The following RAPGEF6 variants were observed in gnomAD, a reference collection of about 807,000 sequenced individuals.
RAPGEF6 encodes Rap guanine nucleotide exchange factor 6.
Under a neutral mutation model 171.4 loss-of-function variants are expected in RAPGEF6, and 56 were observed. That is an observed-to-expected ratio of 0.33 (90% CI 0.26 to 0.41). The LOEUF (loss-of-function observed/expected upper bound fraction) is 0.41. Ranked by LOEUF, RAPGEF6 falls within the 10% of genes least tolerant of loss-of-function variation. The pLI is 1.00. For missense variants in RAPGEF6, 1,674 were observed against 1,921.4 expected (o/e 0.87, Z 2.41); for synonymous variants, 692 against 650.1 (o/e 1.06, Z -0.98).
intron 1 of RAPGEF6, among the ~76,000 whole-genome samples, chr5:131,619,340 T>C (rs929216005): frequency 1.1e-4 from 17 of 151,970 alleles, no homozygotes; most frequent in Non-Finnish European, 1.9e-4. Flanking sequence ...CGGGGGGGCA[T>C]AGCATTAGGA....
intron 4 of RAPGEF6, among the ~76,000 whole-genome samples, chr5:131,586,889 C>G (rs1382253912): frequency 6.6e-6 from 1 of 152,144 alleles, no homozygotes; most frequent in Non-Finnish European, 1.5e-5. Flanking sequence ...CCTGTTGAGA[C>G]AGTCAAGTGT....
chr5:131,577,493 C>T (rs187234044), intron 4 of RAPGEF6, among the ~76,000 whole-genome samples: 34 of 152,270 alleles, frequency 2.2e-4, no homozygotes, highest in African/African-American at 7.2e-4. Flanking sequence ...GCCCTCTAGG[C>T]GACTATCTTC....
chr5:131,468,402 T>C (rs1052577440), intron 17 of RAPGEF6, among the ~76,000 whole-genome samples: 1 of 149,680 alleles, frequency 6.7e-6, no homozygotes, highest in Non-Finnish European at 1.5e-5. Context: ...TCTTATGTAA[T>C]AGGTAAATAA....
In RAPGEF6 at chr5:131,429,114, G is replaced by A; in HGVS notation, c.4568C>T (p.Pro1523Leu). The change falls in exon 27 of 28, where the codon CCC becomes CTC. Residue 1523 changes from proline to leucine, a missense_variant. This residue lies in a region of RAPGEF6 where 552 missense variants were observed against 574.2 expected (regional missense o/e 0.96). Transcript: ENST00000509018. ...ATCTGGAGGTTTTAGGTGTGTGTGG[G>A]GTCCTTCCTTTAGGTCCGCTAAAGA... ...GISLADLKEG[P>L]HTHLKPPDYS... The A allele has an allele frequency of 5.0e-6, 8 of 1,614,114 alleles. No homozygotes were observed. The highest frequency in any genetic ancestry group is 2.2e-5 in the South Asian group (2 of 91,082).
rs536699749 is a variant in RAPGEF6 at position 131,462,034 on chromosome 5, A to G, written c.2535T>C (p.Ala845=). 7.6e-5 allele frequency: 122 copies of G among 1,612,654 alleles called. No homozygotes were observed. The highest frequency in any genetic ancestry group is 9.9e-5 in the Non-Finnish European group (117 of 1,179,400). ...GCTGGCTTTCCTTAACTAGTTCTTG[A>G]GCATCTTCATCTGAACATAAGGTTT... ...ETETLCSDED[A]QELVKESQLS... is the part of the protein sequence containing the mutation. The change falls in exon 19 of 28, where the codon GCT becomes GCC. Residue 845 remains alanine (A), a synonymous_variant. Transcript: ENST00000509018.
At chr5:131,617,145 C>G (rs538574824) in intron 1 of RAPGEF6, among the ~76,000 whole-genome samples, 2 of 152,280 alleles carry the variant, frequency 1.3e-5, no homozygotes, top group East Asian at 3.9e-4. Context: ...GGAAGGCAGT[C>G]TAACAATGTG....
intron 3 of RAPGEF6, among the ~76,000 whole-genome samples, chr5:131,596,633 A>G (rs1189701676): frequency 1.3e-5 from 2 of 152,202 alleles, no homozygotes; most frequent in Non-Finnish European, 2.9e-5. Context: ...AGAATTAAAC[A>G]GACAACTGAT....
Position 131,425,477 on chromosome 5 carries a change from A to G in RAPGEF6, c.*1789T>C, listed in dbSNP as rs931755160. 1.2e-4 allele frequency: 19 copies of G among 152,480 alleles called. No individual in the cohort carries two copies. Among genetic ancestry groups the G allele is most frequent in the African/African-American group, 4.6e-4 (19 of 41,582 alleles). The allele number at this position is 152,480 out of a possible 1,614,324, so 9.4% of individuals were successfully genotyped here. On this transcript the variant is annotated 3_prime_UTR_variant, in exon 28 of 28. Transcript: ENST00000509018. ...ATCACTGAAGTGTAACTTTCAAACT[A>G]GGATTTTTGGTTCAGGTTATTTCCC...
At chr5:131,468,077 C>T (rs1754486172) in intron 17 of RAPGEF6, among the ~76,000 whole-genome samples, 1 of 150,718 alleles carries the variant, frequency 6.6e-6, no homozygotes, top group South Asian at 2.1e-4. Flanking sequence ...CCAGTAATTC[C>T]AGCACTTTGG....
intron 1 of RAPGEF6, among the ~76,000 whole-genome samples, chr5:131,619,729 A>C (rs1765493811): frequency 6.6e-6 from 1 of 152,208 alleles, no homozygotes; most frequent in African/African-American, 2.4e-5. Context: ...TCTCTACAGC[A>C]TTTGACTGCT....
intron 5 of RAPGEF6, among the ~76,000 whole-genome samples, chr5:131,549,060 G>A (rs1760737368): frequency 6.6e-6 from 1 of 151,648 alleles, no homozygotes; most frequent in Admixed American, 6.6e-5. Flanking sequence ...CAAAAACCCT[G>A]TCTCAAAAAA....
intron 1 of RAPGEF6, among the ~76,000 whole-genome samples, chr5:131,605,036 A>G (rs1248641338): frequency 6.6e-6 from 1 of 152,204 alleles, no homozygotes; most frequent in Non-Finnish European, 1.5e-5. Flanking sequence ...TTGATATCCA[A>G]TATCCTGGCT....
intron 3 of RAPGEF6, among the ~76,000 whole-genome samples, chr5:131,601,381 G>A (rs542318915): frequency 3.8e-5 from 5 of 133,206 alleles, no homozygotes; most frequent in South Asian, 2.4e-4. Context: ...GCGAGACTCC[G>A]TCTCAAAAAA....
chr5:131,574,977 C>G (rs2149984032), intron 4 of RAPGEF6, among the ~76,000 whole-genome samples: 1 of 152,276 alleles, frequency 6.6e-6, no homozygotes, highest in Non-Finnish European at 1.5e-5. Context: ...TGTCCAGAAA[C>G]CAGACAAATC....
intron 22 of RAPGEF6, among the ~76,000 whole-genome samples, chr5:131,443,920 T>A (rs895862759): frequency 6.6e-6 from 1 of 152,240 alleles, no homozygotes; most frequent in Admixed American, 6.5e-5. Context: ...TATAAATCCA[T>A]AGGTTTTCTG....
intron 1 of RAPGEF6, among the ~76,000 whole-genome samples, chr5:131,608,944 TTTTA>T (rs1317595359): frequency 6.6e-6 from 1 of 151,944 alleles, no homozygotes; most frequent in Non-Finnish European, 1.5e-5. Flanking sequence ...GCCCATTTAG[TTTTA>T]TTTATTTATT....
chr5:131,577,764 CCCT>C (rs1762691918), intron 4 of RAPGEF6, among the ~76,000 whole-genome samples: 1 of 152,204 alleles, frequency 6.6e-6, no homozygotes, highest in East Asian at 1.9e-4. Flanking sequence ...CCAGCCTGAT[CCCT>C]CCTCTTCCTC....
intron 7 of RAPGEF6, among the ~76,000 whole-genome samples, chr5:131,517,242 C>G (rs1302088114): frequency 6.6e-6 from 1 of 152,046 alleles, no homozygotes; most frequent in Non-Finnish European, 1.5e-5. Flanking sequence ...AAGAAATCTG[C>G]ACATGTACCC....
intron 15 of RAPGEF6, among the ~76,000 whole-genome samples, chr5:131,488,636 G>A (rs1046206924): frequency 6.6e-6 from 1 of 151,956 alleles, no homozygotes; most frequent in Non-Finnish European, 1.5e-5. Flanking sequence ...TCAAAAAGAG[G>A]AAAAACCCCA....
Sources: gnomAD v4.1 joint callset for allele counts (sites outside exome capture counted in the v4.1 genomes callset) on GRCh38, gnomAD v4.1.1 for gene constraint, gnomAD v4.1.1 regional missense constraint, MANE v1.5 for transcripts, NCBI Gene and HGNC (gene_info 2026-07-23, HGNC 2026-07-21) for gene names.